The following TMEM132D variants were observed in gnomAD, a reference collection of about 807,000 sequenced individuals.
TMEM132D encodes mature OL transmembrane protein.
TMEM132D carries 21 observed loss-of-function variants against 62.3 expected under a neutral mutation model. The ratio of observed to expected loss-of-function variants is 0.34; its 90% CI spans 0.24 to 0.49. The LOEUF (loss-of-function observed/expected upper bound fraction) is 0.49, where lower values mean the gene tolerates loss of function less well. Ranked by LOEUF, TMEM132D falls within the 20% of genes least tolerant of loss-of-function variation. The pLI, the probability that TMEM132D is intolerant of heterozygous loss-of-function variation, is 0.99. For synonymous variants in TMEM132D, 621 were observed against 575.6 expected (o/e 1.08, Z -1.13); for missense variants, 1,346 against 1,402.8 (o/e 0.96, Z 0.65).
chr12:129,431,244 A>G (rs1201284788), intron 3 of TMEM132D, among the ~76,000 whole-genome samples: 1 of 152,208 alleles, frequency 6.6e-6, no homozygotes, highest in Non-Finnish European at 1.5e-5. Flanking sequence ...CTTACTCGAC[A>G]GTTCCAGCAG....
chr12:129,828,841 T>A (rs68158350), intron 1 of TMEM132D, among the ~76,000 whole-genome samples: 13,502 of 110,840 alleles, frequency 0.12, 891 homozygotes, highest in South Asian at 0.28. Context: ...AAGAGAAGGA[T>A]GAAAGGTATC....
At chr12:129,323,238 G>A (rs190456225) in intron 4 of TMEM132D, among the ~76,000 whole-genome samples, 5 of 151,824 alleles carry the variant, frequency 3.3e-5, no homozygotes, top group Admixed American at 6.6e-5. Flanking sequence ...TACCTTACTC[G>A]TGTTTTTACA....
chr12:129,698,542 AGGG>A (rs1881266245), intron 2 of TMEM132D, among the ~76,000 whole-genome samples: 1 of 14,540 alleles, frequency 6.9e-5, no homozygotes, highest in South Asian at 3.7e-3. Flanking sequence ...AGGGGAAGGG[AGGG>A]GAGGGGAGGG....
chr12:129,124,392 A>G (rs1876152217), intron 5 of TMEM132D, among the ~76,000 whole-genome samples: 1 of 152,200 alleles, frequency 6.6e-6, no homozygotes, highest in African/African-American at 2.4e-5. Context: ...GTGAATCTTT[A>G]TATCTGTGCA....
At chr12:129,598,047 AAACAAC>A (rs567539460) in intron 2 of TMEM132D, among the ~76,000 whole-genome samples, 3 of 152,108 alleles carry the variant, frequency 2.0e-5, no homozygotes, top group Admixed American at 6.6e-5. Context: ...ATACTTGCAA[AAACAAC>A]AACAACAACA....
chr12:129,120,679 A>G (rs12578265), intron 5 of TMEM132D, among the ~76,000 whole-genome samples: 8,654 of 152,280 alleles, frequency 0.057, 492 homozygotes, highest in East Asian at 0.31. Context: ...GTATAGATAG[A>G]TAAGTACAAT....
intron 1 of TMEM132D, among the ~76,000 whole-genome samples, chr12:129,845,520 C>G (rs1873333490): frequency 6.6e-6 from 1 of 152,208 alleles, no homozygotes; most frequent in South Asian, 2.1e-4. Flanking sequence ...CATGGAAATT[C>G]TAGAGATACT....
intron 3 of TMEM132D, among the ~76,000 whole-genome samples, chr12:129,373,048 G>A (rs1239425076): frequency 2.6e-5 from 4 of 152,222 alleles, no homozygotes; most frequent in East Asian, 1.9e-4. Flanking sequence ...TAGAGAGACC[G>A]ACTTCCTGGT....
At chr12:129,542,337 T>TAC (rs1876604289) in intron 2 of TMEM132D, among the ~76,000 whole-genome samples, 1 of 152,230 alleles carries the variant, frequency 6.6e-6, no homozygotes, top group Non-Finnish European at 1.5e-5. Context: ...CCTTCATGGT[T>TAC]ACCAGTGTTT....
At chr12:129,138,643 C>T (rs1876653259) in intron 5 of TMEM132D, among the ~76,000 whole-genome samples, 1 of 152,184 alleles carries the variant, frequency 6.6e-6, no homozygotes, top group Admixed American at 6.5e-5. Context: ...ATTGCTTGAA[C>T]CCGGGAGGCA....
chr12:129,585,826 T>G (rs753237341), intron 2 of TMEM132D, among the ~76,000 whole-genome samples: 1 of 151,030 alleles, frequency 6.6e-6, no homozygotes, highest in Admixed American at 6.6e-5. Flanking sequence ...TGTGTGTGTG[T>G]GTGTGTGTGT....
intron 1 of TMEM132D, among the ~76,000 whole-genome samples, chr12:129,755,508 G>C (rs1457842621): frequency 6.6e-6 from 1 of 152,170 alleles, no homozygotes; most frequent in Non-Finnish European, 1.5e-5. Context: ...GGAGCCCCCT[G>C]TGACCCGATC....
chr12:129,215,330 G>T (rs549748395), intron 4 of TMEM132D, among the ~76,000 whole-genome samples: 1 of 152,304 alleles, frequency 6.6e-6, no homozygotes, highest in Non-Finnish European at 1.5e-5. Flanking sequence ...GCCTATGTGA[G>T]GGTGGAGGTT....
chr12:129,375,150 C>T (rs1870748289), intron 3 of TMEM132D, among the ~76,000 whole-genome samples: 1 of 152,222 alleles, frequency 6.6e-6, no homozygotes, highest in South Asian at 2.1e-4. Flanking sequence ...ATTTCTTCCA[C>T]AACAAATTCA....
intron 3 of TMEM132D, among the ~76,000 whole-genome samples, chr12:129,473,680 C>A (rs1214945047): frequency 6.6e-6 from 1 of 152,128 alleles, no homozygotes; most frequent in Non-Finnish European, 1.5e-5. Context: ...TCAGACATAA[C>A]ACTATTGCAC....
intron 2 of TMEM132D, among the ~76,000 whole-genome samples, chr12:129,669,351 C>G (rs1352802723): frequency 6.6e-6 from 1 of 152,060 alleles, no homozygotes; most frequent in African/African-American, 2.4e-5. Flanking sequence ...CAGACTAAAT[C>G]CTAAATTCTT....
intron 4 of TMEM132D, among the ~76,000 whole-genome samples, chr12:129,260,165 C>G (rs528831090): frequency 6.6e-6 from 1 of 152,152 alleles, no homozygotes; most frequent in East Asian, 1.9e-4. Context: ...GAAGAGATAG[C>G]CAAGGAGACT....
intron 2 of TMEM132D, among the ~76,000 whole-genome samples, chr12:129,581,378 T>C (rs1202390647): frequency 6.6e-6 from 1 of 151,994 alleles, no homozygotes; most frequent in African/African-American, 2.4e-5. Flanking sequence ...TATTAAGGAG[T>C]ATTGACTCAT....
rs1456240378 is a variant in TMEM132D, at chr12:129,078,671, C to A, written c.1978G>T (p.Asp660Tyr). ...AGGTCTGTGATGGTCACCTTCTCGTCCAGCACAGTGATGGTCTTTTCAGCG... is the reference window on the plus strand; with the variant it reads ...AGGTCTGTGATGGTCACCTTCTCGTACAGCACAGTGATGGTCTTTTCAGCG... ...ILAEKTITVL[D>Y]EKVTITDLGV... Residue 660 changes from aspartate (D) to tyrosine (Y), a missense_variant, in exon 8 of 9, where the codon GAC becomes TAC. Transcript: ENST00000422113. 2 of 1,614,180 alleles carry A rather than the reference C, an allele frequency of 1.2e-6. No individual in the cohort carries two copies. Among genetic ancestry groups the A allele is most frequent in the Non-Finnish European group, 8.5e-7 (1 of 1,180,026 alleles).
Sources: gnomAD v4.1 joint callset for allele counts (sites outside exome capture counted in the v4.1 genomes callset) on GRCh38, gnomAD v4.1.1 for gene constraint, MANE v1.5 for transcripts, NCBI Gene and HGNC (gene_info 2026-07-23, HGNC 2026-07-21) for gene names.